The following ARHGEF3 variants were observed in gnomAD, a reference collection of about 807,000 sequenced individuals.
ARHGEF3 encodes 59.8 kDA protein.
ARHGEF3 carries 28 observed loss-of-function variants against 63.2 expected under a neutral mutation model. That is an observed-to-expected ratio of 0.44 (90% confidence interval 0.33 to 0.61). The LOEUF is 0.61. Among genes scored for constraint, ARHGEF3 ranks in the 20% least tolerant of loss-of-function variants. ARHGEF3 has a pLI of 0.03. For missense variants in ARHGEF3, 533 were observed against 659.3 expected (o/e 0.81, Z 2.10); for synonymous variants, 266 against 254.2 (o/e 1.05, Z -0.44).
At chr3:56,804,824 G>A (rs1475186238), upstream of ARHGEF3, among the ~76,000 whole-genome samples, 1 of 152,218 alleles carries the variant, frequency 6.6e-6, no homozygotes, top group East Asian at 1.9e-4. Context: ...TGGTGGGGGT[G>A]TGAGAGTAAC....
chr3:56,783,522 C>T (rs2036659789), intron 1 of ARHGEF3, among the ~76,000 whole-genome samples: 1 of 152,108 alleles, frequency 6.6e-6, no homozygotes, highest in East Asian at 1.9e-4. Flanking sequence ...TTTTTGCCCC[C>T]ACATTGGAAA....
At chr3:57,063,260 T>C (rs1705333368) in intron 1 of ARHGEF3, among the ~76,000 whole-genome samples, 1 of 150,104 alleles carries the variant, frequency 6.7e-6, no homozygotes, top group Admixed American at 6.7e-5. Flanking sequence ...AGAGAGGAAA[T>C]GCAGCCAGAT....
intron 1 of ARHGEF3, among the ~76,000 whole-genome samples, chr3:57,049,555 C>T (rs1213068407): frequency 1.3e-5 from 2 of 152,102 alleles, no homozygotes; most frequent in Admixed American, 1.3e-4. Flanking sequence ...AGACACAGCT[C>T]CAGCCCTACA....
At chr3:56,768,455 A>C (rs866028038) in intron 2 of ARHGEF3, among the ~76,000 whole-genome samples, 7 of 152,110 alleles carry the variant, frequency 4.6e-5, no homozygotes, top group Non-Finnish European at 8.8e-5. Flanking sequence ...TTCAACATAG[A>C]GTTATTTAAT....
intron 3 of ARHGEF3, among the ~76,000 whole-genome samples, chr3:56,896,084 G>A (rs2041293096): frequency 6.6e-6 from 1 of 152,294 alleles, no homozygotes; most frequent in Non-Finnish European, 1.5e-5. Context: ...TCCCTGAAGA[G>A]GAACAAAGGA....
chr3:56,959,747 A>G (rs545722918), intron 2 of ARHGEF3, among the ~76,000 whole-genome samples: 91 of 152,258 alleles, frequency 6.0e-4, no homozygotes, highest in African/African-American at 2.2e-3. Flanking sequence ...GGAGGCCGAA[A>G]CAGGCAGATC....
At chr3:56,893,007 T>C (rs1560027077) in intron 3 of ARHGEF3, among the ~76,000 whole-genome samples, 1 of 152,208 alleles carries the variant, frequency 6.6e-6, no homozygotes, top group Non-Finnish European at 1.5e-5. Context: ...GCTGCTCTTG[T>C]CAAGCTGTCC....
chr3:56,865,110 A>C (rs1181645551), intron 4 of ARHGEF3, among the ~76,000 whole-genome samples: 1 of 152,138 alleles, frequency 6.6e-6, no homozygotes. Context: ...TTCATTTCTC[A>C]TTTCAGACAC....
Position 57,054,494 on chromosome 3 carries a change from C to T in ARHGEF3, c.-27-19318G>A, listed in dbSNP as rs116088463. Among the ~76,000 whole-genome samples the T allele has an allele frequency of 8.5e-3, 1,249 of 147,798 alleles. 14 individuals carry two copies. The highest frequency in any genetic ancestry group is 0.029 in the African/African-American group (1,191 of 40,558). ...AAAATACGAAAAAAAAAAAAAAAGT[C>T]GGGCATGATGGTGCATGCCTGTGGT... is the stretch of plus-strand genomic sequence containing the variant. On this transcript the variant is annotated intron_variant, in intron 1 of 12. Transcript: ENST00000338458.
chr3:56,919,899 T>G (rs1375292187), intron 3 of ARHGEF3, among the ~76,000 whole-genome samples: 1 of 152,136 alleles, frequency 6.6e-6, no homozygotes, highest in Non-Finnish European at 1.5e-5. Flanking sequence ...CTAGCAAGCT[T>G]ACTTCAGAGC....
In ARHGEF3 at chr3:56,785,436, C is replaced by T. The variant is rs181373320; in HGVS notation, c.97-11620G>A. On this transcript the variant is annotated intron_variant, in intron 1 of 9. Transcript: ENST00000296315. Reference sequence around the variant, plus strand: ...GCCACCAACACTGCTGAATTATGGGCTAGAAGAGCTGGTCTCCAGTCTTGC... The same window carrying T: ...GCCACCAACACTGCTGAATTATGGGTTAGAAGAGCTGGTCTCCAGTCTTGC... 2.2e-3 allele frequency among the ~76,000 whole-genome samples: 331 copies of T among 152,230 alleles called. 1 individual carries two copies. Among genetic ancestry groups the T allele is most frequent in the Non-Finnish European group, 3.5e-3 (238 of 68,006 alleles).
intron 2 of ARHGEF3, among the ~76,000 whole-genome samples, chr3:56,769,673 G>A (rs2035901494): frequency 6.6e-6 from 1 of 152,182 alleles, no homozygotes; most frequent in African/African-American, 2.4e-5. Flanking sequence ...TATCCTCCTG[G>A]GCTAACTTGT....
chr3:56,797,415 C>G (rs1042032517), intron 1 of ARHGEF3, among the ~76,000 whole-genome samples: 1 of 152,148 alleles, frequency 6.6e-6, no homozygotes, highest in African/African-American at 2.4e-5. Context: ...AAGTGATGGC[C>G]TTTTTCTGGG....
rs75124628 is a variant in ARHGEF3, at chr3:57,073,560, G to T, written c.-28+5666C>A. ...GAGCACCCCGGGATGATTGGTGGTG[G>T]GGTGTGGCTGAAGGTGAATTGGAAC... On this transcript the variant is annotated intron_variant, in intron 1 of 12. Coordinates refer to the ARHGEF3 transcript ENST00000338458. 6 of 1,392,934 alleles carry T rather than the reference G, an allele frequency of 4.3e-6. No homozygotes were observed. The South Asian group carries it at 9.1e-5, about 21-fold the overall frequency. The allele number at this position is 1,392,934 out of a possible 1,614,324, so 86.3% of individuals were successfully genotyped here. A position where few individuals can be genotyped will look rare whatever the true frequency, so the allele number is the denominator to read the frequency against.
intron 3 of ARHGEF3, among the ~76,000 whole-genome samples, chr3:56,954,322 C>A (rs750505102): frequency 6.6e-6 from 1 of 152,160 alleles, no homozygotes; most frequent in Non-Finnish European, 1.5e-5. Flanking sequence ...TCCACCCCAC[C>A]CCAACAGGAG....
chr3:56,819,900 C>T (rs1185407488), intron 4 of ARHGEF3, among the ~76,000 whole-genome samples: 1 of 151,894 alleles, frequency 6.6e-6, no homozygotes, highest in Non-Finnish European at 1.5e-5. Flanking sequence ...GCCTGGACCT[C>T]CTGGGCTCAA....
chr3:56,994,846 G>C (rs1035600861), intron 2 of ARHGEF3, among the ~76,000 whole-genome samples: 1 of 152,160 alleles, frequency 6.6e-6, no homozygotes, highest in Non-Finnish European at 1.5e-5. Context: ...GTCAGGGGAA[G>C]GGCCTGGTGA....
intron 4 of ARHGEF3, among the ~76,000 whole-genome samples, chr3:56,841,579 A>G (rs1039082034): frequency 6.6e-6 from 1 of 152,168 alleles, no homozygotes; most frequent in African/African-American, 2.4e-5. Flanking sequence ...ATAAGCACCC[A>G]CAGTCTGATG....
intron 1 of ARHGEF3, chr3:57,073,999 T>C (rs758424427): frequency 3.0e-5 from 49 of 1,614,104 alleles, no homozygotes; most frequent in Non-Finnish European, 3.9e-5. Context: ...ATAAATCTTC[T>C]GGGAAGACCC....
Sources: allele counts gnomAD v4.1 joint callset (sites outside exome capture counted in the v4.1 genomes callset), GRCh38; gene constraint gnomAD v4.1.1; transcripts MANE v1.5; gene names NCBI Gene and HGNC (gene_info 2026-07-23, HGNC 2026-07-21).